Variants in DLGAP1 observed in about 807,000 individuals in gnomAD.
DLGAP1 encodes disks large-associated protein 1.
A neutral mutation model predicts 90.8 loss-of-function variants in DLGAP1; 11 were observed. That is an observed-to-expected ratio of 0.12 (90% CI 0.08 to 0.20). DLGAP1 has a LOEUF of 0.20. Among genes scored for constraint, DLGAP1 ranks in the 10% least tolerant of loss-of-function variants. The pLI is 1.00. For missense variants in DLGAP1, 1,050 were observed against 1,333.8 expected (o/e 0.79, Z 3.31); for synonymous variants, 558 against 540.7 (o/e 1.03, Z -0.44).
chr18:3,800,038 C>CA (rs2066214062), intron 5 of DLGAP1, among the ~76,000 whole-genome samples: 1 of 152,144 alleles, frequency 6.6e-6, no homozygotes, highest in Non-Finnish European at 1.5e-5. Flanking sequence ...TTGTTCTTCC[C>CA]ATGGTAGATT....
chr18:4,376,122 G>A (rs1345584001), intron 1 of DLGAP1, among the ~76,000 whole-genome samples: 2 of 152,066 alleles, frequency 1.3e-5, no homozygotes, highest in African/African-American at 4.8e-5. Flanking sequence ...GATACCTAAA[G>A]CCATCATGAA....
At position 3,502,684 on chromosome 18, in the gene DLGAP1, A is replaced by G. The variant is rs906621468; in HGVS notation, c.2572-39T>C. On this transcript the variant is annotated intron_variant, in intron 11 of 12. Transcript: ENST00000315677. ...AGAAAAACATTCATGCTTTAGAAGC[A>G]ATTCTTGACAAGCACAGGGCCAAAA... 3.8e-6 allele frequency: 6 copies of G among 1,583,734 alleles called. No homozygotes were observed. In the East Asian group the frequency reaches 6.7e-5, roughly 18 times the overall value.
Position 3,641,082 on chromosome 18 carries a change from G to C in DLGAP1, c.1592-58834C>G, listed in dbSNP as rs538565909. Among the ~76,000 whole-genome samples the C allele has an allele frequency of 6.6e-5, 10 of 152,174 alleles. 1 individual carries two copies. The South Asian group carries it at 2.1e-3, about 32-fold the overall frequency. ...TTTCTTCATGAGGCACAGCAAACAA[G>C]AGTACACTAGTATTCCATACAAGTA... On this transcript the variant is annotated intron_variant, in intron 7 of 12. Transcript: ENST00000315677.
chr18:4,092,752 T>A (rs2075789894), intron 2 of DLGAP1, among the ~76,000 whole-genome samples: 2 of 151,964 alleles, frequency 1.3e-5, no homozygotes, highest in Non-Finnish European at 2.9e-5. Flanking sequence ...CTAGAGAGGC[T>A]CTGTCCTGTC....
intron 2 of DLGAP1, among the ~76,000 whole-genome samples, chr18:4,132,995 CTCTGTGAGACTTACT>C (rs1469616123): frequency 1.4e-4 from 22 of 152,312 alleles, no homozygotes; most frequent in African/African-American, 5.3e-4. Context: ...GTCACATCAA[CTCTGTGAGACTTACT>C]TTCTTCATCT....
chr18:4,030,712 G>C (rs956340731), intron 2 of DLGAP1, among the ~76,000 whole-genome samples: 5 of 152,182 alleles, frequency 3.3e-5, no homozygotes, highest in African/African-American at 1.2e-4. Flanking sequence ...CTTGAGCCCA[G>C]GAGTTCGAGA....
chr18:3,799,772 C>G (rs1162599874), intron 5 of DLGAP1, among the ~76,000 whole-genome samples: 1 of 152,090 alleles, frequency 6.6e-6, no homozygotes, highest in Non-Finnish European at 1.5e-5. Context: ...CAAAACAAAA[C>G]AAAACACCTA....
chr18:4,113,762 T>G (rs555866720), intron 2 of DLGAP1, among the ~76,000 whole-genome samples: 3 of 152,140 alleles, frequency 2.0e-5, no homozygotes, highest in Non-Finnish European at 2.9e-5. Flanking sequence ...TTTAAATCTA[T>G]AATCCATCTG....
At chr18:4,299,654 C>T (rs902739134) in intron 1 of DLGAP1, among the ~76,000 whole-genome samples, 3 of 152,036 alleles carry the variant, frequency 2.0e-5, no homozygotes, top group African/African-American at 4.8e-5. Context: ...GTTATTAATA[C>T]ATGTTCTGTA....
chr18:4,119,615 T>C (rs746913264), intron 2 of DLGAP1, among the ~76,000 whole-genome samples: 11 of 152,200 alleles, frequency 7.2e-5, no homozygotes, highest in Non-Finnish European at 1.2e-4. Flanking sequence ...CACAGGTTGT[T>C]CTGGCAGAGC....
intron 7 of DLGAP1, among the ~76,000 whole-genome samples, chr18:3,585,196 A>T (rs2055806026): frequency 1.3e-5 from 2 of 152,366 alleles, no homozygotes; most frequent in Admixed American, 6.5e-5. Context: ...AGCCAGCCTC[A>T]GGTTCTTCCC....
intron 3 of DLGAP1, among the ~76,000 whole-genome samples, chr18:3,952,135 G>C (rs1373720103): frequency 6.6e-6 from 1 of 152,104 alleles, no homozygotes; most frequent in African/African-American, 2.4e-5. Context: ...TTTATAAGAT[G>C]GATTCTAAAA....
At chr18:4,225,854 C>CAGAG (rs970270782) in intron 1 of DLGAP1, among the ~76,000 whole-genome samples, 3 of 151,540 alleles carry the variant, frequency 2.0e-5, no homozygotes, top group African/African-American at 7.3e-5. Context: ...TTAAAAAGGA[C>CAGAG]AGAGAGAGAG....
chr18:3,525,223 G>T (rs1482009501), intron 10 of DLGAP1, among the ~76,000 whole-genome samples: 1 of 151,854 alleles, frequency 6.6e-6, no homozygotes, highest in Admixed American at 6.6e-5. Context: ...TCATTCTTTG[G>T]ATCAATATCT....
chr18:3,858,658 T>A (rs565781978), intron 4 of DLGAP1, among the ~76,000 whole-genome samples: 1 of 152,068 alleles, frequency 6.6e-6, no homozygotes, highest in Non-Finnish European at 1.5e-5. Flanking sequence ...TACTATAAAG[T>A]TAAGAGACTG....
chr18:3,690,753 T>G (rs1428658999), intron 7 of DLGAP1, among the ~76,000 whole-genome samples: 1 of 152,258 alleles, frequency 6.6e-6, no homozygotes, highest in Non-Finnish European at 1.5e-5. Context: ...TGTTTTCATA[T>G]ACTGTAGTTT....
chr18:4,249,097 C>G (rs2145183018), intron 1 of DLGAP1, among the ~76,000 whole-genome samples: 1 of 152,338 alleles, frequency 6.6e-6, no homozygotes, highest in South Asian at 2.1e-4. Context: ...ACTCCCCTCC[C>G]TTTCCCTGCT....
intron 5 of DLGAP1, among the ~76,000 whole-genome samples, chr18:3,785,898 T>C (rs2065428756): frequency 6.6e-6 from 1 of 152,158 alleles, no homozygotes; most frequent in African/African-American, 2.4e-5. Flanking sequence ...CTTCTGTAGT[T>C]CAGTCATATT....
chr18:3,638,110 C>T (rs1271426566), intron 7 of DLGAP1, among the ~76,000 whole-genome samples: 1 of 151,876 alleles, frequency 6.6e-6, no homozygotes, highest in Non-Finnish European at 1.5e-5. Flanking sequence ...CCCCGCCAGG[C>T]TAATTTTTTG....
Sources: allele counts gnomAD v4.1 joint callset (sites outside exome capture counted in the v4.1 genomes callset), GRCh38; gene constraint gnomAD v4.1.1; transcripts MANE v1.5; gene names NCBI Gene and HGNC (gene_info 2026-07-23, HGNC 2026-07-21).